EXOC4: variants seen among roughly 807,000 people sequenced by gnomAD.
EXOC4 encodes the protein SEC8-like 1.
In EXOC4, 71 loss-of-function variants were observed where a neutral mutation model predicts 107.2. The observed-to-expected ratio is 0.66, with a 90% CI of 0.55 to 0.81. The LOEUF is 0.81. Ranked by LOEUF, EXOC4 falls within the 30% of genes least tolerant of loss-of-function variation. EXOC4 has a pLI of 0.00. For missense variants in EXOC4, 1,108 were observed against 1,189.6 expected (o/e 0.93, Z 1.01); for synonymous variants, 456 against 441.2 (o/e 1.03, Z -0.42).
chr7:133,337,570 A>G (rs1321899698), intron 5 of EXOC4, among the ~76,000 whole-genome samples: 2 of 148,750 alleles, frequency 1.3e-5, no homozygotes, highest in African/African-American at 5.0e-5. Flanking sequence ...GCATTTTCTT[A>G]TGGCTTTAAA....
chr7:133,576,671 G>A (rs1425920473), intron 9 of EXOC4: 1 of 1,289,618 alleles, frequency 7.8e-7, no homozygotes, highest in Non-Finnish European at 1.0e-6. Flanking sequence ...ACAATCAGAA[G>A]TGAGCAATGG....
rs140515256 is a variant in EXOC4 at position 133,705,517 on chromosome 7, A to C, written c.1514+75376A>C. On this transcript the variant is annotated intron_variant, in intron 10 of 17. Transcript: ENST00000253861. ...GTTCCTCCTTATCCACAATTTTGCT[A>C]TCTGTGACTTCAGTTACCCATAGTC... is the stretch of plus-strand genomic sequence containing the variant. 2.6e-3 allele frequency among the ~76,000 whole-genome samples: 400 copies of C among 152,344 alleles called. 1 individual carries two copies. The highest frequency in any genetic ancestry group is 9.3e-3 in the African/African-American group (387 of 41,586).
At chr7:133,976,568 C>T (rs907179877) in intron 14 of EXOC4, among the ~76,000 whole-genome samples, 1 of 77,082 alleles carries the variant, frequency 1.3e-5, no homozygotes. Flanking sequence ...ATAGTTAGCA[C>T]ATGGAAAAGA....
rs566433085 is a variant in EXOC4 at position 133,492,162 on chromosome 7, G to A, written c.1417+12024G>A. Among the ~76,000 whole-genome samples, 4 of 152,302 alleles carry A rather than the reference G, an allele frequency of 2.6e-5. No individual in the cohort carries two copies. The East Asian group carries it at 7.7e-4, about 29-fold the overall frequency. ...GGAGAATGAATTGAGTGGAATGAGA[G>A]TGTAGACAAAGAGGCAAGTTTTGTT... is the stretch of plus-strand genomic sequence containing the variant. On this transcript the variant is annotated intron_variant, in intron 9 of 17. Transcript: ENST00000253861.
At position 133,350,460 on chromosome 7, in the gene EXOC4, G is replaced by A. The variant is rs199624643; in HGVS notation, c.764-5870G>A. On this transcript the variant is annotated intron_variant, in intron 5 of 17. Transcript: ENST00000253861. ...CCCATTGAATGGTCTTGGTATTCTC[G>A]CCAAAAATCATTTGACTGTGTATGT... Among the ~76,000 whole-genome samples the A allele has an allele frequency of 1.6e-4, 24 of 152,018 alleles. No individual in the cohort carries two copies. The East Asian group carries it at 2.3e-3, about 15-fold the overall frequency.
intron 7 of EXOC4, among the ~76,000 whole-genome samples, chr7:133,467,780 A>T (rs763636741): frequency 6.6e-6 from 1 of 151,698 alleles, no homozygotes; most frequent in Non-Finnish European, 1.5e-5. Flanking sequence ...TTGTTTTCAC[A>T]CATTCTAAGA....
chr7:133,599,908 TTTTTTTTG>T (rs1232074249), intron 9 of EXOC4, among the ~76,000 whole-genome samples: 2 of 114,946 alleles, frequency 1.7e-5, no homozygotes, highest in East Asian at 2.2e-4. Context: ...TTTTTTTTTT[TTTTTTTTG>T]GGAGACAGGG....
chr7:133,430,514 T>G (rs540156799), intron 7 of EXOC4, among the ~76,000 whole-genome samples: 5 of 152,206 alleles, frequency 3.3e-5, no homozygotes, highest in Admixed American at 6.5e-5. Flanking sequence ...TATCCATTCA[T>G]CAGTTGGTGG....
chr7:133,895,401 C>T (rs1355215072), intron 11 of EXOC4, among the ~76,000 whole-genome samples, 198 bp from the exon 12 acceptor site: 2 of 151,998 alleles, frequency 1.3e-5, no homozygotes, highest in African/African-American at 4.8e-5. Context: ...GCGTCGCTCA[C>T]GCTGGGAGCT....
chr7:133,367,309 A>G (rs1265558738), intron 6 of EXOC4, among the ~76,000 whole-genome samples: 4 of 152,126 alleles, frequency 2.6e-5, no homozygotes, highest in Admixed American at 2.0e-4. Flanking sequence ...GAGAAGGAAT[A>G]ACTGGAGAGG....
chr7:133,848,343 G>A (rs1281114933), intron 11 of EXOC4, among the ~76,000 whole-genome samples: 1 of 152,152 alleles, frequency 6.6e-6, no homozygotes, highest in African/African-American at 2.4e-5. Flanking sequence ...GGTATTATAG[G>A]TATTATAGCT....
At chr7:133,681,811 G>A (rs1283365943) in intron 10 of EXOC4, among the ~76,000 whole-genome samples, 1 of 151,922 alleles carries the variant, frequency 6.6e-6, no homozygotes, top group African/African-American at 2.4e-5. Flanking sequence ...TCCTTCATCG[G>A]TTGTACGTTT....
At chr7:133,274,873 A>G (rs532831985) in intron 1 of EXOC4, 109 bp from the exon 2 acceptor site, 2 of 811,474 alleles carry the variant, frequency 2.5e-6, no homozygotes, top group East Asian at 5.3e-5. Context: ...CCTAGTTAAT[A>G]AGATGAATGT....
Position 133,899,885 on chromosome 7 carries a change from A to G in EXOC4, c.1871+4150A>G, listed in dbSNP as rs538890944. Among the ~76,000 whole-genome samples the G allele has an allele frequency of 2.6e-5, 4 of 151,402 alleles. No homozygotes were observed. The South Asian group carries it at 6.2e-4, about 24-fold the overall frequency. ...CTCAGCCTCCTGAGTAGCTGGGACT[A>G]CAGGCACAAGCCACCATGCCCAACT... On this transcript the variant is annotated intron_variant, in intron 12 of 17. Coordinates refer to ENST00000253861, the MANE Select transcript of EXOC4 (RefSeq NM_021807.4).
In EXOC4 at chr7:133,808,337, G is replaced by A. The variant is rs144494491; in HGVS notation, c.1515-8988G>A. Among the ~76,000 whole-genome samples the A allele has an allele frequency of 1.1e-4, 16 of 151,856 alleles. No homozygotes were observed. In the East Asian group the frequency reaches 2.5e-3, roughly 24 times the overall value. On this transcript the variant is annotated intron_variant, in intron 10 of 17. Transcript: ENST00000253861. Reference sequence around the variant, plus strand: ...CATTAACCTTTATGGATTTTTTTTCGGTTTTCATGTTCCACTGATTTATGG... The same window carrying A: ...CATTAACCTTTATGGATTTTTTTTCAGTTTTCATGTTCCACTGATTTATGG...
intron 10 of EXOC4, among the ~76,000 whole-genome samples, chr7:133,750,301 G>A (rs1427439876): frequency 1.3e-5 from 2 of 151,934 alleles, no homozygotes; most frequent in Admixed American, 6.6e-5. Context: ...TTTAGATCTC[G>A]ATGTGTTTAA....
At chr7:133,723,637 ATGTCATCATGCTCAGC>A (rs1795154096) in intron 10 of EXOC4, among the ~76,000 whole-genome samples, 2 of 151,918 alleles carry the variant, frequency 1.3e-5, no homozygotes, top group African/African-American at 4.8e-5. Flanking sequence ...TTACAGGCAT[ATGTCATCATGCTCAGC>A]TAATTTTTTG....
At chr7:134,027,062 A>G (rs1468540350) in intron 17 of EXOC4, among the ~76,000 whole-genome samples, 1 of 152,216 alleles carries the variant, frequency 6.6e-6, no homozygotes, top group Admixed American at 6.5e-5. Context: ...TCACACAAAA[A>G]TAAAACTATC....
At chr7:133,335,299 A>G (rs1377116542) in intron 5 of EXOC4, among the ~76,000 whole-genome samples, 1 of 152,154 alleles carries the variant, frequency 6.6e-6, no homozygotes, top group Non-Finnish European at 1.5e-5. Flanking sequence ...TGTGCAGCCA[A>G]TCTCCAGAAA....
Sources: allele counts gnomAD v4.1 joint callset (sites outside exome capture counted in the v4.1 genomes callset), GRCh38; gene constraint gnomAD v4.1.1; transcripts MANE v1.5; gene names NCBI Gene and HGNC (gene_info 2026-07-23, HGNC 2026-07-21).